NKAIN3: variants seen among roughly 807,000 people sequenced by gnomAD.
The protein encoded by NKAIN3 is sodium/potassium transporting ATPase interacting 3, also known as sodium/potassium-transporting ATPase subunit beta-1-interacting protein 3.
In NKAIN3, 25 loss-of-function variants were observed where a neutral mutation model predicts 30.2. The observed-to-expected ratio is 0.83, with a 90% confidence interval of 0.60 to 1.16. The LOEUF (loss-of-function observed/expected upper bound fraction) is 1.16. Among genes scored for constraint, NKAIN3 ranks in the 50% most tolerant of loss-of-function variants. NKAIN3 has a pLI of 0.00. For synonymous variants in NKAIN3, 91 were observed against 89.6 expected (o/e 1.02, Z -0.09); for missense variants, 225 against 254.1 (o/e 0.89, Z 0.78).
chr8:62,906,091 G>A (rs746047382), intron 4 of NKAIN3, among the ~76,000 whole-genome samples: 6 of 152,130 alleles, frequency 3.9e-5, no homozygotes, highest in Non-Finnish European at 1.5e-5. Flanking sequence ...ACCCACAAGT[G>A]TGCGAGCATC....
At chr8:62,274,198 G>C (rs375593137) in intron 1 of NKAIN3, among the ~76,000 whole-genome samples, 1 of 152,106 alleles carries the variant, frequency 6.6e-6, no homozygotes, top group African/African-American at 2.4e-5. Context: ...GAGATAGCTT[G>C]CACCACACAC....
intron 4 of NKAIN3, among the ~76,000 whole-genome samples, chr8:62,877,061 C>T (rs986967151): frequency 7.3e-5 from 11 of 151,140 alleles, no homozygotes; most frequent in Non-Finnish European, 1.2e-4. Flanking sequence ...TTAGGAAGAA[C>T]CAAACTGAAA....
At chr8:62,285,934 G>T (rs1051783933) in intron 1 of NKAIN3, among the ~76,000 whole-genome samples, 2 of 152,126 alleles carry the variant, frequency 1.3e-5, no homozygotes, top group Non-Finnish European at 2.9e-5. Context: ...ATGCATGTGG[G>T]CGTATTTATG....
rs561565758 is a variant in NKAIN3 at position 62,819,632 on chromosome 8, T to A, written c.471+72503T>A. On this transcript the variant is annotated intron_variant, in intron 4 of 6. Coordinates refer to ENST00000623646, the MANE Select transcript of NKAIN3 (RefSeq NM_001304533.3). ...GCCATGTCATCAGGAATTAAAAAAA[T>A]TTTAGTGAAGTTATTTGTGTTTCCT... is the stretch of plus-strand genomic sequence containing the variant. 1.4e-4 allele frequency among the ~76,000 whole-genome samples: 21 copies of A among 152,120 alleles called. No homozygotes were observed. The East Asian group carries it at 3.7e-3, about 27-fold the overall frequency.
intron 3 of NKAIN3, among the ~76,000 whole-genome samples, chr8:62,631,379 C>T (rs1355822724): frequency 6.6e-6 from 1 of 152,266 alleles, no homozygotes; most frequent in East Asian, 1.9e-4. Flanking sequence ...TGTCCTTCAC[C>T]CATCGCCTAA....
chr8:62,973,898 C>T lies in NKAIN3; in HGVS notation c.*8491C>T, dbSNP rs1207552919. ...TTCTGCGTATGGCTAGCTAATTTTC[C>T]CAGCACCATTTATTAAATAGGAAAT... On this transcript the variant is annotated 3_prime_UTR_variant, in exon 7 of 7. Transcript: ENST00000623646. Among the ~76,000 whole-genome samples the T allele has an allele frequency of 6.6e-6, 1 of 152,138 alleles. No individual in the cohort carries two copies. Among genetic ancestry groups the T allele is most frequent in the Admixed American group, 6.5e-5 (1 of 15,276 alleles).
intron 1 of NKAIN3, among the ~76,000 whole-genome samples, chr8:62,517,718 C>T (rs573424219): frequency 6.6e-5 from 10 of 152,202 alleles, no homozygotes; most frequent in Non-Finnish European, 1.0e-4. Context: ...AAATCCTTCA[C>T]GTTTCCTTCC....
intron 1 of NKAIN3, among the ~76,000 whole-genome samples, chr8:62,294,397 A>G (rs1368755738): frequency 1.3e-5 from 2 of 152,166 alleles, no homozygotes; most frequent in Non-Finnish European, 2.9e-5. Flanking sequence ...ATTGACATGA[A>G]TTGATTTGAA....
At chr8:62,737,531 T>A (rs545447549) in intron 3 of NKAIN3, among the ~76,000 whole-genome samples, 1 of 152,228 alleles carries the variant, frequency 6.6e-6, no homozygotes, top group African/African-American at 2.4e-5. Context: ...GTTCTGATTG[T>A]GCTTTGTCTT....
In NKAIN3 at chr8:62,548,073, C is replaced by G. The variant is rs561249815; in HGVS notation, c.55-31466C>G. 3.3e-5 allele frequency among the ~76,000 whole-genome samples: 5 copies of G among 152,274 alleles called. No individual in the cohort carries two copies. In the East Asian group the frequency reaches 9.7e-4, roughly 29 times the overall value. ...AACGCAACCTCTGTTGGCTCCTAAT[C>G]TCTTGCCTTGTTCATCTCATAGAAC... On this transcript the variant is annotated intron_variant, in intron 1 of 6. Transcript: ENST00000623646.
At chr8:62,499,671 C>A (rs185331806) in intron 1 of NKAIN3, among the ~76,000 whole-genome samples, 468 of 152,174 alleles carry the variant, frequency 3.1e-3, no homozygotes, top group African/African-American at 9.8e-3. Context: ...TAGTTAGTGA[C>A]AAGATTAGGA....
intron 1 of NKAIN3, among the ~76,000 whole-genome samples, chr8:62,308,037 TAGCATTATGTCA>T (rs982473002): frequency 2.0e-5 from 3 of 150,332 alleles, no homozygotes; most frequent in African/African-American, 7.5e-5. Flanking sequence ...CAGGAGAACA[TAGCATTATGTCA>T]AGAGCTGTGA....
At chr8:62,756,148 G>T (rs1374418219) in intron 4 of NKAIN3, among the ~76,000 whole-genome samples, 2 of 152,096 alleles carry the variant, frequency 1.3e-5, no homozygotes, top group Non-Finnish European at 2.9e-5. Context: ...ATAGCTTTCA[G>T]TCTACTCACA....
At chr8:62,483,779 C>T (rs2129601043) in intron 1 of NKAIN3, 2 of 269,454 alleles carry the variant, frequency 7.4e-6, no homozygotes, top group Admixed American at 4.1e-5. Flanking sequence ...CTTCTTCAAG[C>T]TCCTCTACCA....
intron 5 of NKAIN3, among the ~76,000 whole-genome samples, chr8:62,995,185 G>A (rs1804080660): frequency 6.6e-6 from 1 of 152,190 alleles, no homozygotes; most frequent in African/African-American, 2.4e-5. Flanking sequence ...TGGAGGAAAA[G>A]CAGATGGCTT....
At chr8:62,806,111 C>T (rs1180448186) in intron 4 of NKAIN3, among the ~76,000 whole-genome samples, 3 of 152,202 alleles carry the variant, frequency 2.0e-5, no homozygotes, top group African/African-American at 7.2e-5. Context: ...GAGATATCAT[C>T]TCACACCAGT....
chr8:62,461,696 A>G (rs1038268934), intron 1 of NKAIN3, among the ~76,000 whole-genome samples: 2 of 152,200 alleles, frequency 1.3e-5, no homozygotes, highest in African/African-American at 4.8e-5. Flanking sequence ...AATTCACAAG[A>G]TCAGAGTTGA....
chr8:62,943,918 C>A (rs908741062), intron 5 of NKAIN3, among the ~76,000 whole-genome samples: 2 of 151,362 alleles, frequency 1.3e-5, no homozygotes, highest in African/African-American at 4.9e-5. Flanking sequence ...AATGGAAAAC[C>A]AAACATTGTA....
chr8:62,823,289 A>G (rs1818909190), intron 4 of NKAIN3, among the ~76,000 whole-genome samples: 1 of 152,162 alleles, frequency 6.6e-6, no homozygotes, highest in Non-Finnish European at 1.5e-5. Flanking sequence ...CCATTTTTAT[A>G]TATTCAGTCC....
Sources: allele counts gnomAD v4.1 joint callset (sites outside exome capture counted in the v4.1 genomes callset), GRCh38; gene constraint gnomAD v4.1.1; transcripts MANE v1.5; gene names NCBI Gene and HGNC (gene_info 2026-07-23, HGNC 2026-07-21).